Variants in ZNF680 observed in about 807,000 individuals in gnomAD.
ZNF680 encodes the protein zinc finger protein 680, also known as hypothetical protein FLJ90430.
Under a neutral mutation model 12.1 loss-of-function variants are expected in ZNF680, and 6 were observed. The observed-to-expected ratio is 0.49, with a 90% CI of 0.27 to 0.98. The LOEUF (loss-of-function observed/expected upper bound fraction) is 0.98, where lower values mean the gene tolerates loss of function less well. Among genes scored for constraint, ZNF680 ranks in the 50% least tolerant of loss-of-function variants. ZNF680 has a pLI of 0.12. For missense variants in ZNF680, 561 were observed against 616.3 expected (o/e 0.91, Z 0.95); for synonymous variants, 170 against 199.3 (o/e 0.85, Z 1.24).
At chr7:64,560,177 A>G (rs1220303160) in intron 1 of ZNF680, among the ~76,000 whole-genome samples, 2 of 150,448 alleles carry the variant, frequency 1.3e-5, no homozygotes, top group African/African-American at 4.9e-5. Context: ...GAAGTGGCAC[A>G]ATCTTGGCTC....
intron 3 of ZNF680, chr7:64,525,897 C>T: frequency 1.0e-6 from 1 of 984,798 alleles, no homozygotes; most frequent in Non-Finnish European, 1.2e-6. Flanking sequence ...ATAAAAAGAA[C>T]AGGGAAAATA....
chr7:64,560,146 CTCTT>C (rs1787653869), intron 1 of ZNF680, among the ~76,000 whole-genome samples: 3 of 143,428 alleles, frequency 2.1e-5, no homozygotes, highest in Non-Finnish European at 4.5e-5. Flanking sequence ...TGAAGTTTCA[CTCTT>C]TCGCCCAGGC....
the ZNF680 span, among the ~76,000 whole-genome samples, chr7:64,510,826 C>T: frequency 1.2e-4 from 15 of 126,038 alleles, 1 homozygote; most frequent in Admixed American, 1.1e-3. Context: ...AGGAGAATGG[C>T]GTGAACCCGG....
At chr7:64,524,147 ATT>A (rs35895081) in intron 3 of ZNF680, among the ~76,000 whole-genome samples, 21 of 139,316 alleles carry the variant, frequency 1.5e-4, no homozygotes, top group East Asian at 2.1e-4. Flanking sequence ...ACAAAGAAGA[ATT>A]TTTTTTTTTT....
intron 1 of ZNF680, among the ~76,000 whole-genome samples, chr7:64,555,745 TATATAA>T (rs1787378630): frequency 2.4e-5 from 3 of 122,706 alleles, no homozygotes; most frequent in Non-Finnish European, 5.1e-5. Flanking sequence ...TATATATATA[TATATAA>T]AATAAGATAA....
intron 3 of ZNF680, among the ~76,000 whole-genome samples, chr7:64,543,115 G>C (rs1449851942): frequency 6.6e-6 from 1 of 151,864 alleles, no homozygotes; most frequent in Non-Finnish European, 1.5e-5. Context: ...CGAAATTCCA[G>C]TGGCATTTTT....
chr7:64,507,628 A>G, the ZNF680 span, among the ~76,000 whole-genome samples: 1 of 151,686 alleles, frequency 6.6e-6, no homozygotes. Context: ...CAGCCTCCCG[A>G]GTAGCTGGGA....
At chr7:64,519,491 A>C (rs1791426318), downstream of ZNF680, among the ~76,000 whole-genome samples, 1 of 151,796 alleles carries the variant, frequency 6.6e-6, no homozygotes, top group African/African-American at 2.4e-5. Flanking sequence ...CTGGGTATCT[A>C]TCCAGAGGAA....
chr7:64,552,342 T>C (rs571389229), intron 1 of ZNF680, among the ~76,000 whole-genome samples: 1 of 152,250 alleles, frequency 6.6e-6, no homozygotes, highest in African/African-American at 2.4e-5. Flanking sequence ...CGTGAGCCAC[T>C]GTGCTCGGTC....
chr7:64,538,142 T>C (rs1786276398), intron 3 of ZNF680, among the ~76,000 whole-genome samples: 1 of 142,946 alleles, frequency 7.0e-6, no homozygotes, highest in Non-Finnish European at 1.5e-5. Flanking sequence ...TGAAATAAAA[T>C]ATTTAGAAAT....
chr7:64,559,548 T>C (rs1256510593), intron 1 of ZNF680, among the ~76,000 whole-genome samples: 4 of 152,024 alleles, frequency 2.6e-5, no homozygotes, highest in African/African-American at 4.8e-5. Context: ...TGGTGTGATC[T>C]CAGCTCACTG....
Position 64,555,737 on chromosome 7 carries a change from T to A in ZNF680, c.30+7188A>T, listed in dbSNP as rs201361314. ...AATTAAACCTTTGTAAAAAAAAATA[T>A]ATATATATATATAAAATAAGATAAA... On this transcript the variant is annotated intron_variant, in intron 1 of 3. Coordinates refer to ENST00000309683, the MANE Select transcript of ZNF680 (RefSeq NM_178558.5). Among the ~76,000 whole-genome samples the A allele has an allele frequency of 6.5e-3, 739 of 113,812 alleles. 15 individuals are homozygous for A. The East Asian group carries it at 0.093, about 14-fold the overall frequency. 74.7% of individuals were successfully genotyped at this position (113,812 alleles called of 152,430 possible). A position where few individuals can be genotyped will look rare whatever the true frequency, so the allele number is the denominator to read the frequency against.
intron 3 of ZNF680, among the ~76,000 whole-genome samples, chr7:64,542,977 G>A (rs982284822): frequency 6.6e-6 from 1 of 152,170 alleles, no homozygotes; most frequent in Non-Finnish European, 1.5e-5. Context: ...GGGATTACAA[G>A]TGTGAGCTAC....
At position 64,521,916 on chromosome 7, in the gene ZNF680, T is replaced by C; in HGVS notation, c.838A>G (p.Ile280Val). Residue 280 changes from isoleucine (I) to valine (V), a missense_variant, in exon 4 of 4, where the codon ATC becomes GTC. Transcript: ENST00000309683. ...ECGKAFSLFS[I>V]LSKHKIIHTG... ...TGAATTATCTTATGTTTACTAAGGA[T>C]TGAGAATAAACTAAAGGCTTTGCCA... is the stretch of plus-strand genomic sequence containing the variant. 4 of 1,613,206 alleles carry C rather than the reference T, an allele frequency of 2.5e-6. No individual in the cohort carries two copies. Among genetic ancestry groups the C allele is most frequent in the Non-Finnish European group, 2.5e-6 (3 of 1,179,624 alleles).
chr7:64,524,544 G>A (rs1054873905), intron 3 of ZNF680, among the ~76,000 whole-genome samples: 5 of 152,084 alleles, frequency 3.3e-5, no homozygotes, highest in African/African-American at 1.2e-4. Context: ...AGCAAATACA[G>A]TCAGAATGAA....
the ZNF680 span, among the ~76,000 whole-genome samples, chr7:64,508,384 CT>C: frequency 1.8e-4 from 27 of 152,048 alleles, no homozygotes; most frequent in South Asian, 5.6e-3. Context: ...CATTTAACTA[CT>C]ATTATAGCCC....
the ZNF680 span, among the ~76,000 whole-genome samples, chr7:64,499,846 CAG>C: frequency 6.6e-6 from 1 of 152,198 alleles, no homozygotes; most frequent in Non-Finnish European, 1.5e-5. Context: ...CAATGGGCCC[CAG>C]TAAAACAGTG....
At position 64,532,889 on chromosome 7, in the gene ZNF680, T is replaced by A. The variant is rs138434098; in HGVS notation, c.254-10389A>T. Among the ~76,000 whole-genome samples the A allele has an allele frequency of 5.1e-3, 783 of 152,330 alleles. 6 individuals are homozygous for A. Among genetic ancestry groups the A allele is most frequent in the African/African-American group, 0.018 (744 of 41,576 alleles). ...TTTAATATATGCAAGTCAATAAGTG[T>A]GATACACCACATAAACAGAGTTAAA... On this transcript the variant is annotated intron_variant, in intron 3 of 3. Transcript: ENST00000309683.
chr7:64,512,409 C>A, the ZNF680 span, among the ~76,000 whole-genome samples: 121 of 146,982 alleles, frequency 8.2e-4, no homozygotes, highest in African/African-American at 2.9e-3. Flanking sequence ...GCCAAGATCG[C>A]ACCATTGCAC....
Sources: gnomAD v4.1 joint callset for allele counts (sites outside exome capture counted in the v4.1 genomes callset) on GRCh38, gnomAD v4.1.1 for gene constraint, MANE v1.5 for transcripts, NCBI Gene and HGNC (gene_info 2026-07-23, HGNC 2026-07-21) for gene names.